MMS19: variants seen among roughly 807,000 people sequenced by gnomAD.
MMS19 encodes MMS19 nucleotide excision repair protein homolog.
Under a neutral mutation model 129.8 loss-of-function variants are expected in MMS19, and 77 were observed. That is an observed-to-expected ratio of 0.59 (90% CI 0.49 to 0.72). The LOEUF (loss-of-function observed/expected upper bound fraction) is 0.72, where lower values mean the gene tolerates loss of function less well. Ranked by LOEUF, MMS19 falls within the 30% of genes least tolerant of loss-of-function variation. The pLI is 0.00. For missense variants in MMS19, 1,168 were observed against 1,266.3 expected, an observed-to-expected ratio of 0.92 and a Z score of 1.18; for synonymous variants, 491 against 502.8, an observed-to-expected ratio of 0.98 and a Z score of 0.31.
Position 97,470,261 on chromosome 10 carries a change from G to A in MMS19, c.772-58C>T, listed in dbSNP as rs933019772. ...ATGGGTGGTGTGTCAGTCACATCAA[G>A]GTCAACCCTGTCCTTGCCATCAGTC... On this transcript the variant is annotated intron_variant, in intron 9 of 30. Transcript: ENST00000438925. 3.3e-6 allele frequency: 4 copies of A among 1,207,338 alleles called. No individual in the cohort carries two copies. In the East Asian group the frequency reaches 9.9e-5, roughly 30 times the overall value. 74.8% of individuals were successfully genotyped at this position (1,207,338 alleles called of 1,614,324 possible).
At chr10:97,466,421 G>A (rs1042697475) in intron 16 of MMS19, 83 bp downstream of exon 16, 2 of 1,137,498 alleles carry the variant, frequency 1.8e-6, no homozygotes, top group African/African-American at 1.5e-5. Flanking sequence ...CAGAAGCACA[G>A]AGCCCTGGTC....
intron 1 of MMS19, among the ~76,000 whole-genome samples, chr10:97,495,923 A>G (rs1006345818): frequency 2.6e-5 from 4 of 152,244 alleles, no homozygotes; most frequent in Non-Finnish European, 4.4e-5. Flanking sequence ...CTGGGATTAC[A>G]GGCATGCACC....
chr10:97,460,124 C>T lies in MMS19; in HGVS notation c.2578G>A (p.Val860Met). Residue 860 changes from valine (V) to methionine (M), a missense_variant, in exon 26 of 31, where the codon GTG becomes ATG. Val to Met is a conservative substitution (Grantham distance 21, BLOSUM62 1). Coordinates refer to ENST00000438925, the MANE Select transcript of MMS19 (RefSeq NM_022362.5). ...DVLTRAGHAE[V>M]RIMFRQRFFT... ...AACCGCTGGCGGAACATGATCCGCACTTCGGCATGGCCAGCACGAGTCAGC... is the reference window on the plus strand; with the variant it reads ...AACCGCTGGCGGAACATGATCCGCATTTCGGCATGGCCAGCACGAGTCAGC... 1.2e-6 allele frequency: 2 copies of T among 1,614,034 alleles called. No individual in the cohort carries two copies. The highest frequency in any genetic ancestry group is 8.5e-7 in the Non-Finnish European group (1 of 1,179,898).
intron 8 of MMS19, among the ~76,000 whole-genome samples, chr10:97,475,226 G>A (rs1221081565): frequency 6.6e-6 from 1 of 152,192 alleles, no homozygotes; most frequent in Non-Finnish European, 1.5e-5. Flanking sequence ...GTGTGTGTGT[G>A]TGTGTACATG....
chr10:97,481,629 TAGG>T (rs2036814293), intron 2 of MMS19, among the ~76,000 whole-genome samples: 1 of 152,094 alleles, frequency 6.6e-6, no homozygotes, highest in Non-Finnish European at 1.5e-5. Flanking sequence ...ATTATTGATA[TAGG>T]AGAAGCTGGA....
intron 23 of MMS19, 59 bp from the exon 24 acceptor site, chr10:97,461,066 A>G: frequency 1.5e-6 from 2 of 1,359,440 alleles, no homozygotes; most frequent in Middle Eastern, 3.6e-4. Flanking sequence ...TTAGCAATGA[A>G]ATGCAAATCA....
rs976712631 is a variant in MMS19 at position 97,462,525 on chromosome 10, C to A, written c.2012+58G>T. 3.1e-6 allele frequency: 4 copies of A among 1,298,362 alleles called. No individual in the cohort carries two copies. The African/African-American group carries it at 5.8e-5, about 19-fold the overall frequency. The allele number at this position is 1,298,362 out of a possible 1,614,324, so 80.4% of individuals were successfully genotyped here. On this transcript the variant is annotated intron_variant, in intron 20 of 30. Coordinates refer to ENST00000438925, the MANE Select transcript of MMS19 (RefSeq NM_022362.5). Reference sequence around the variant, plus strand: ...CTGACAAGGCAGCTACCTGTTGCTTCTTCCTAAGAATGCTATCCTTCTCCC... The same window carrying A: ...CTGACAAGGCAGCTACCTGTTGCTTATTCCTAAGAATGCTATCCTTCTCCC...
chr10:97,496,225 G>GT (rs1482592163), intron 1 of MMS19, among the ~76,000 whole-genome samples: 5 of 152,158 alleles, frequency 3.3e-5, no homozygotes, highest in Non-Finnish European at 5.9e-5. Context: ...AAAAACGTTT[G>GT]TAAGAATTTA....
intron 10 of MMS19, 55 bp downstream of exon 10, chr10:97,470,074 G>C: frequency 8.6e-7 from 1 of 1,168,566 alleles, no homozygotes; most frequent in African/African-American, 1.5e-5. Flanking sequence ...ATATCCTTTA[G>C]GACCCCTAAC....
chr10:97,478,989 C>T (rs553482223), intron 3 of MMS19, among the ~76,000 whole-genome samples: 1 of 152,136 alleles, frequency 6.6e-6, no homozygotes, highest in East Asian at 1.9e-4. Context: ...TGAGGTGGGA[C>T]GATCATTTAA....
rs1031489767 is a variant in MMS19, at chr10:97,460,224, G to A, written c.2478C>T (p.Gly826=). 1 of 1,610,198 alleles carries A rather than the reference G, an allele frequency of 6.2e-7. No homozygotes were observed. The highest frequency in any genetic ancestry group is 1.3e-5 in the African/African-American group (1 of 74,888). ...LSSCLTARLM[G]LLSDPELGPA... The stretch of plus-strand genomic sequence containing the variant: ...GACCTAATTCTGGGTCACTCAGGAG[G>A]CCCATGAGCTGGAGAAAAAAGAGCC... The change falls in exon 26 of 31, where the codon GGC becomes GGT. Residue 826 remains glycine (G), a synonymous_variant. Transcript: ENST00000438925.
chr10:97,461,544 TG>T lies in MMS19; in HGVS notation c.2262del (p.Thr755ProfsTer26). The T allele has an allele frequency of 6.2e-7, 1 of 1,604,814 alleles. No homozygotes were observed. Among genetic ancestry groups the T allele is most frequent in the South Asian group, 1.1e-5 (1 of 89,096 alleles). ...CCTGCAAAGCACTTGGCAGCAGCGG[TG>T]GAAGAAAAGGGGCAGCTGTGGCAGC... ...LSCCHSCPFSSTAAAKCFAGL... is the reference protein window; with the variant it reads ...LSCCHSCPFSXTAAAKCFAGL... On this transcript the variant is annotated frameshift_variant, in exon 23 of 31. Coordinates refer to ENST00000438925, the MANE Select transcript of MMS19 (RefSeq NM_022362.5). LOFTEE classifies it high-confidence loss of function.
chr10:97,458,581 C>T lies in MMS19; in HGVS notation c.*111G>A. The T allele has an allele frequency of 9.4e-7, 1 of 1,061,726 alleles. No homozygotes were observed. Among genetic ancestry groups the T allele is most frequent in the South Asian group, 1.6e-5 (1 of 64,068 alleles). 65.8% of individuals were successfully genotyped at this position (1,061,726 alleles called of 1,614,324 possible). On this transcript the variant is annotated 3_prime_UTR_variant, in exon 31 of 31. Coordinates refer to ENST00000438925, the MANE Select transcript of MMS19 (RefSeq NM_022362.5). Reference sequence around the variant, plus strand: ...CAGAGGCCTAGCATTTGTGCTGTGTCTGTGGGAAAGGCAGTCAGAGACCAG... The same window carrying T: ...CAGAGGCCTAGCATTTGTGCTGTGTTTGTGGGAAAGGCAGTCAGAGACCAG...
intron 24 of MMS19, 41 bp from the exon 25 acceptor site, chr10:97,460,792 C>G: frequency 6.4e-7 from 1 of 1,566,746 alleles, no homozygotes; most frequent in Non-Finnish European, 8.7e-7. Flanking sequence ...GAATGACACT[C>G]AAACCCGAGA....
chr10:97,477,123 C>T, intron 6 of MMS19, 160 bp from the exon 7 acceptor site: 5 of 1,496,174 alleles, frequency 3.3e-6, no homozygotes, highest in Non-Finnish European at 4.4e-6. Context: ...AGATGTGCAA[C>T]AATATACACA....
At chr10:97,474,453 C>A (rs965515333) in intron 8 of MMS19, among the ~76,000 whole-genome samples, 2 of 152,194 alleles carry the variant, frequency 1.3e-5, no homozygotes, top group Non-Finnish European at 1.5e-5. Context: ...GTGGCTGAGG[C>A]ACAACAATCA....
In MMS19 at chr10:97,460,133, G is replaced by A. The variant is rs199693165; in HGVS notation, c.2569C>T (p.His857Tyr). Residue 857 changes from histidine to tyrosine, a missense_variant, in exon 26 of 31, where the codon CAT (histidine) becomes TAT (tyrosine). By Grantham distance (83) the His-to-Tyr change is moderately conservative. Transcript: ENST00000438925. ...DCTDVLTRAG[H>Y]AEVRIMFRQR... ...CGGAACATGATCCGCACTTCGGCAT[G>A]GCCAGCACGAGTCAGCACATCAGTG... The A allele has an allele frequency of 4.0e-5, 64 of 1,614,020 alleles. No homozygotes were observed. Among genetic ancestry groups the A allele is most frequent in the Middle Eastern group, 3.3e-4 (2 of 6,062 alleles).
At chr10:97,480,296 T>A (rs1364662849) in intron 3 of MMS19, 1 of 462,836 alleles carries the variant, frequency 2.2e-6, no homozygotes, top group African/African-American at 2.0e-5. Flanking sequence ...AGCCCCGCTC[T>A]GTCTCTGTAC....
upstream of MMS19, chr10:97,498,623 T>G: frequency 7.6e-5 from 35 of 459,566 alleles, no homozygotes; most frequent in Non-Finnish European, 9.6e-5. Flanking sequence ...GGCGAATAAT[T>G]CCCAGCCCGG....
Sources: allele counts gnomAD v4.1 joint callset (sites outside exome capture counted in the v4.1 genomes callset), GRCh38; gene constraint gnomAD v4.1.1; transcripts MANE v1.5; gene names NCBI Gene and HGNC (gene_info 2026-07-23, HGNC 2026-07-21).